The following TLE4 variants were observed in gnomAD, a reference collection of about 807,000 sequenced individuals.
The protein encoded by TLE4 is TLE family member 4, transcriptional corepressor.
TLE4 carries 8 observed loss-of-function variants against 92.8 expected under a neutral mutation model. The ratio of observed to expected loss-of-function variants is 0.09; its 90% CI spans 0.05 to 0.16. The LOEUF (loss-of-function observed/expected upper bound fraction) is 0.16. Ranked by LOEUF, TLE4 falls within the 10% of genes least tolerant of loss-of-function variation. The pLI is 1.00. For missense variants in TLE4, 675 were observed against 997.6 expected (o/e 0.68, Z 4.36); for synonymous variants, 371 against 374.1 (o/e 0.99, Z 0.10).
At chr9:79,712,021 T>C in intron 14 of TLE4, among the ~76,000 whole-genome samples, 1 of 152,150 alleles carries the variant, frequency 6.6e-6, no homozygotes, top group East Asian at 1.9e-4. Context: ...CACAATTTCT[T>C]TGTGAGCTTC....
intron 5 of TLE4, among the ~76,000 whole-genome samples, chr9:79,624,963 T>A (rs944578028): frequency 6.6e-6 from 1 of 151,870 alleles, no homozygotes; most frequent in Non-Finnish European, 1.5e-5. Flanking sequence ...TTAAGTGTGG[T>A]CCTTTGTTTC....
At chr9:79,613,916 T>A (rs945318038) in intron 5 of TLE4, among the ~76,000 whole-genome samples, 1 of 152,156 alleles carries the variant, frequency 6.6e-6, no homozygotes, top group Non-Finnish European at 1.5e-5. Flanking sequence ...TGAATTCACA[T>A]GCTCTTTTGG....
rs559992624 is a variant in TLE4 at position 79,601,390 on chromosome 9, G to A, written c.253-11266G>A. The A allele has an allele frequency of 2.3e-4, 105 of 456,454 alleles. 1 individual carries two copies. Among genetic ancestry groups the A allele is most frequent in the South Asian group, 1.6e-3 (104 of 64,550 alleles). 28.3% of individuals were successfully genotyped at this position (456,454 alleles called of 1,614,324 possible). A position where few individuals can be genotyped will look rare whatever the true frequency, so the allele number is the denominator to read the frequency against. On this transcript the variant is annotated intron_variant, in intron 4 of 19. Transcript: ENST00000376552. ...GCTACAGGCATACCTTGTTTTACTGGGTCTTGCTTTATTGTGCTTCACAGA... is the reference window on the plus strand; with the variant it reads ...GCTACAGGCATACCTTGTTTTACTGAGTCTTGCTTTATTGTGCTTCACAGA...
intron 8 of TLE4, among the ~76,000 whole-genome samples, chr9:79,689,496 T>A (rs1588279398): frequency 6.6e-6 from 1 of 152,182 alleles, no homozygotes; most frequent in East Asian, 1.9e-4. Context: ...GAGATTATTG[T>A]TTTAATTATG....
intron 6 of TLE4, among the ~76,000 whole-genome samples, chr9:79,641,630 T>C (rs144804400): frequency 6.6e-6 from 1 of 152,304 alleles, no homozygotes; most frequent in Non-Finnish European, 1.5e-5. Flanking sequence ...CTGTCTGCAG[T>C]GTGCTGTCAT....
chr9:79,572,972 C>T (rs2036254171), intron 1 of TLE4, 137 bp downstream of exon 1: 7 of 920,522 alleles, frequency 7.6e-6, no homozygotes, highest in Non-Finnish European at 1.1e-5. Context: ...CCGGGAGCAG[C>T]CCGCCCGCCA....
intron 4 of TLE4, among the ~76,000 whole-genome samples, chr9:79,576,979 A>ACAT (rs1426363619): frequency 1.3e-5 from 2 of 151,460 alleles, no homozygotes; most frequent in African/African-American, 4.9e-5. Context: ...ATATATACAT[A>ACAT]CATATATATA....
intron 8 of TLE4, among the ~76,000 whole-genome samples, chr9:79,669,192 A>G (rs1259947167): frequency 1.3e-5 from 2 of 152,152 alleles, no homozygotes; most frequent in Non-Finnish European, 2.9e-5. Context: ...GTTCATTTTC[A>G]GTGCACACAT....
chr9:79,706,672 A>G, intron 10 of TLE4, 75 bp from the exon 11 acceptor site: 1 of 1,527,378 alleles, frequency 6.5e-7, no homozygotes, highest in Non-Finnish European at 8.8e-7. Context: ...TTTTGGCTAG[A>G]AATGTCCACA....
intron 8 of TLE4, among the ~76,000 whole-genome samples, chr9:79,676,359 A>C (rs940134801): frequency 2.6e-5 from 4 of 152,158 alleles, no homozygotes; most frequent in Non-Finnish European, 4.4e-5. Flanking sequence ...CATGGGCCCC[A>C]ATTTGGTATT....
chr9:79,670,614 A>T (rs2062147008), intron 8 of TLE4, among the ~76,000 whole-genome samples: 1 of 152,080 alleles, frequency 6.6e-6, no homozygotes. Context: ...TTCAAACTGC[A>T]TTTCTTAAGG....
intron 8 of TLE4, among the ~76,000 whole-genome samples, chr9:79,698,279 T>G (rs997021343): frequency 6.6e-6 from 1 of 152,250 alleles, no homozygotes; most frequent in Non-Finnish European, 1.5e-5. Flanking sequence ...TCTTCTGTTA[T>G]TCTTCTGACT....
Position 79,652,657 on chromosome 9 carries a change from C to T in TLE4, c.455C>T (p.Pro152Leu). Reference protein sequence around the residue: ...HGLPVPLTPHPSGLQPPAIPP... With the variant: ...HGLPVPLTPHLSGLQPPAIPP... ...CTCCCCGTACCTCTGACTCCACACC[C>T]TTCAGGGCTCCAGCCCCCTGCCATT... Residue 152 changes from proline (P) to leucine (L), a missense_variant, in exon 7 of 20, where the codon CCT becomes CTT. Transcript: ENST00000376552. The T allele has an allele frequency of 1.2e-6, 2 of 1,614,232 alleles. No homozygotes were observed. The highest frequency in any genetic ancestry group is 1.7e-6 in the Non-Finnish European group (2 of 1,180,034).
intron 6 of TLE4, among the ~76,000 whole-genome samples, chr9:79,633,855 G>T (rs948405297): frequency 6.6e-6 from 1 of 152,128 alleles, no homozygotes; most frequent in South Asian, 2.1e-4. Context: ...AGAAGCATGG[G>T]CTATAAGAGA....
chr9:79,703,775 G>A lies in TLE4; in HGVS notation c.610-1008G>A, dbSNP rs919992247. Among the ~76,000 whole-genome samples, 6 of 152,192 alleles carry A rather than the reference G, an allele frequency of 3.9e-5. No homozygotes were observed. In the East Asian group the frequency reaches 1.2e-3, roughly 29 times the overall value. The stretch of plus-strand genomic sequence containing the variant: ...GGGTTCATGAAAACTATAGGAGTGA[G>A]AAAGGAATAATACGCATTTCTGCAG... On this transcript the variant is annotated intron_variant, in intron 8 of 19. Transcript: ENST00000376552.
chr9:79,666,195 GT>G lies in TLE4; in HGVS notation c.609+12121del, dbSNP rs1564759680. On this transcript the variant is annotated intron_variant, in intron 8 of 19. Transcript: ENST00000376552. ...TGTGTGTGTGTGTGTGTGTGTGTGT[GT>G]GGGTGGGGTTTTTTTTTTTTGTTTT... Among the ~76,000 whole-genome samples the G allele has an allele frequency of 4.6e-4, 64 of 139,748 alleles. 1 individual carries two copies. The highest frequency in any genetic ancestry group is 1.3e-3 in the African/African-American group (50 of 37,938). 91.7% of individuals were successfully genotyped at this position (139,748 alleles called of 152,430 possible).
Position 79,726,064 on chromosome 9 carries a change from C to T in TLE4, c.*920C>T, listed in dbSNP as rs1212873352. On this transcript the variant is annotated 3_prime_UTR_variant, in exon 20 of 20. Coordinates refer to ENST00000376552, the MANE Select transcript of TLE4 (RefSeq NM_007005.6). Reference sequence around the variant, plus strand: ...TGTGGCATGCTCTTTGGGAGCTGCACAGTTATGGGGAGGACTCCCACTGCT... The same window carrying T: ...TGTGGCATGCTCTTTGGGAGCTGCATAGTTATGGGGAGGACTCCCACTGCT... 6.6e-6 allele frequency: 1 copy of T among 152,582 alleles called. No individual in the cohort carries two copies. The highest frequency in any genetic ancestry group is 1.5e-5 in the Non-Finnish European group (1 of 68,050). 9.5% of individuals were successfully genotyped at this position (152,582 alleles called of 1,614,324 possible). A position where few individuals can be genotyped will look rare whatever the true frequency, so the allele number is the denominator to read the frequency against.
chr9:79,677,146 T>C (rs972201394), intron 8 of TLE4, among the ~76,000 whole-genome samples: 1 of 152,120 alleles, frequency 6.6e-6, no homozygotes, highest in Non-Finnish European at 1.5e-5. Context: ...ATAATATCTA[T>C]CTTATTGGGT....
intron 6 of TLE4, among the ~76,000 whole-genome samples, chr9:79,646,394 TC>T (rs2058109559): frequency 6.6e-6 from 1 of 152,188 alleles, no homozygotes; most frequent in Admixed American, 6.5e-5. Context: ...TTGACTAATA[TC>T]CAGAGAAACC....
Sources: gnomAD v4.1 joint callset for allele counts (sites outside exome capture counted in the v4.1 genomes callset) on GRCh38, gnomAD v4.1.1 for gene constraint, MANE v1.5 for transcripts, NCBI Gene and HGNC (gene_info 2026-07-23, HGNC 2026-07-21) for gene names.